The following GLCCI1 variants were observed in gnomAD, a reference collection of about 807,000 sequenced individuals.
The protein encoded by GLCCI1 is glucocorticoid induced 1.
In GLCCI1, 24 loss-of-function variants were observed where a neutral mutation model predicts 52.2. The ratio of observed to expected loss-of-function variants is 0.46; its 90% CI spans 0.33 to 0.65. GLCCI1 has a LOEUF of 0.65. Ranked by LOEUF, GLCCI1 falls within the 30% of genes least tolerant of loss-of-function variation. GLCCI1 has a pLI of 0.02. For synonymous variants in GLCCI1, 310 were observed against 276.5 expected, an observed-to-expected ratio of 1.12 and a Z score of -1.20; for missense variants, 704 against 701.5, an observed-to-expected ratio of 1.00 and a Z score of -0.04.
At chr7:8,059,590 A>T (rs557787266) in intron 4 of GLCCI1, among the ~76,000 whole-genome samples, 10 of 152,340 alleles carry the variant, frequency 6.6e-5, no homozygotes, top group African/African-American at 2.4e-4. Context: ...TGAACTTAGC[A>T]TAATACTGTT....
chr7:8,075,080 TC>T (rs1782848470), intron 6 of GLCCI1, among the ~76,000 whole-genome samples: 2 of 152,216 alleles, frequency 1.3e-5, no homozygotes, highest in Admixed American at 6.5e-5. Flanking sequence ...TTTTGTGTGT[TC>T]CTAACATCTA....
chr7:8,077,313 T>A (rs1195548946), intron 6 of GLCCI1, among the ~76,000 whole-genome samples: 1 of 152,196 alleles, frequency 6.6e-6, no homozygotes, highest in East Asian at 1.9e-4. Flanking sequence ...CTTGTGACAC[T>A]GACAGAAGGC....
chr7:8,002,355 A>T (rs1049956499), intron 1 of GLCCI1, among the ~76,000 whole-genome samples: 7 of 152,178 alleles, frequency 4.6e-5, no homozygotes, highest in Non-Finnish European at 7.4e-5. Flanking sequence ...TGAAACGTTT[A>T]TAAAAAATGA....
intron 1 of GLCCI1, among the ~76,000 whole-genome samples, chr7:7,990,833 A>C (rs1780825861): frequency 6.6e-6 from 1 of 152,094 alleles, no homozygotes; most frequent in South Asian, 2.1e-4. Context: ...CGTATTTCTG[A>C]AGCCTTCATT....
chr7:8,027,095 C>T (rs1267498715), intron 3 of GLCCI1, among the ~76,000 whole-genome samples: 4 of 152,178 alleles, frequency 2.6e-5, no homozygotes, highest in African/African-American at 4.8e-5. Flanking sequence ...GGAACATCTA[C>T]GATAATTAGC....
chr7:7,977,580 C>CATTT (rs1232285934), intron 1 of GLCCI1, among the ~76,000 whole-genome samples: 1 of 152,070 alleles, frequency 6.6e-6, no homozygotes, highest in Non-Finnish European at 1.5e-5. Context: ...TCAGTTTTGA[C>CATTT]ATTTGTCTTA....
intron 2 of GLCCI1, among the ~76,000 whole-genome samples, chr7:8,018,813 A>G (rs1781426647): frequency 6.6e-6 from 1 of 152,124 alleles, no homozygotes; most frequent in South Asian, 2.1e-4. Context: ...AGTTTTTCCT[A>G]AATTTATTTA....
chr7:7,970,028 C>T, intron 1 of GLCCI1: 1 of 378,284 alleles, frequency 2.6e-6, no homozygotes, highest in Non-Finnish European at 4.0e-6. Context: ...GTCTCTCTTC[C>T]ATCACTCGCC....
At chr7:8,011,699 T>G (rs898634958) in intron 2 of GLCCI1, among the ~76,000 whole-genome samples, 4 of 152,228 alleles carry the variant, frequency 2.6e-5, no homozygotes, top group Non-Finnish European at 2.9e-5. Flanking sequence ...ATTCTGTGTT[T>G]AAATTTTTGA....
chr7:8,061,886 C>T (rs141784869), intron 5 of GLCCI1, among the ~76,000 whole-genome samples: 280 of 151,732 alleles, frequency 1.8e-3, no homozygotes, highest in African/African-American at 6.6e-3. Flanking sequence ...AGGCTGGTCT[C>T]GAACTCCTCA....
intron 3 of GLCCI1, among the ~76,000 whole-genome samples, chr7:8,049,405 TATCTC>T (rs1428132728): frequency 6.6e-6 from 1 of 152,212 alleles, no homozygotes; most frequent in African/African-American, 2.4e-5. Context: ...TATTTTATAT[TATCTC>T]TTTGAAATCA....
intron 1 of GLCCI1, among the ~76,000 whole-genome samples, chr7:7,987,084 A>G (rs1043095104): frequency 3.5e-4 from 54 of 152,294 alleles, no homozygotes; most frequent in African/African-American, 1.3e-3. Flanking sequence ...TAAAAACAAA[A>G]CAAAAAAACC....
intron 2 of GLCCI1, among the ~76,000 whole-genome samples, chr7:8,021,559 C>G (rs1300414930): frequency 2.0e-5 from 3 of 152,118 alleles, no homozygotes; most frequent in African/African-American, 4.8e-5. Context: ...ATTACAGGTG[C>G]TCGCCACCAG....
chr7:8,010,956 A>G (rs1022872757), intron 2 of GLCCI1, among the ~76,000 whole-genome samples: 1 of 151,724 alleles, frequency 6.6e-6, no homozygotes, highest in Admixed American at 6.6e-5. Flanking sequence ...TTGTGGTAAA[A>G]TATATATAAC....
rs1783099847 is a variant in GLCCI1 at position 8,086,102 on chromosome 7, T to G, written c.1299-91T>G. 2 of 1,066,578 alleles carry G rather than the reference T, an allele frequency of 1.9e-6. No homozygotes were observed. The highest frequency in any genetic ancestry group is 3.2e-5 in the African/African-American group (2 of 63,004). The allele number at this position is 1,066,578 out of a possible 1,614,324, so 66.1% of individuals were successfully genotyped here. A position where few individuals can be genotyped will look rare whatever the true frequency, so the allele number is the denominator to read the frequency against. On this transcript the variant is annotated intron_variant, in intron 7 of 7. Coordinates refer to ENST00000223145, the MANE Select transcript of GLCCI1 (RefSeq NM_138426.4). This position sits in a 1 kb window ranked among gnomAD's most constrained non-coding sequence, Gnocchi z 4.4. ...AACCCATCTCCTGCCATTTACATTTTAGCTGTTTTAGAGAACTCCAGTTAA... is the reference window on the plus strand; with the variant it reads ...AACCCATCTCCTGCCATTTACATTTGAGCTGTTTTAGAGAACTCCAGTTAA...
At chr7:7,998,323 C>T (rs1350989734) in intron 1 of GLCCI1, among the ~76,000 whole-genome samples, 9 of 152,074 alleles carry the variant, frequency 5.9e-5, no homozygotes, top group Non-Finnish European at 8.8e-5. Flanking sequence ...TCAAGCAATT[C>T]ACCTGCCTCA....
intron 3 of GLCCI1, among the ~76,000 whole-genome samples, chr7:8,042,208 G>A (rs1329758743): frequency 6.6e-6 from 1 of 152,132 alleles, no homozygotes; most frequent in African/African-American, 2.4e-5. Flanking sequence ...TCTGCAGTCC[G>A]TGAATCAAGG....
intron 4 of GLCCI1, among the ~76,000 whole-genome samples, chr7:8,059,253 A>T (rs886128385): frequency 4.6e-5 from 7 of 152,198 alleles, no homozygotes; most frequent in Admixed American, 3.9e-4. Context: ...TCAATAAGAG[A>T]CAAAAGACAC....
chr7:7,978,624 T>C (rs1486358427), intron 1 of GLCCI1, among the ~76,000 whole-genome samples: 2 of 152,182 alleles, frequency 1.3e-5, no homozygotes, highest in East Asian at 3.8e-4. Context: ...AAATTGTGTT[T>C]ATTGTTAGGA....
Sources: gnomAD v4.1 joint callset for allele counts (sites outside exome capture counted in the v4.1 genomes callset) on GRCh38, gnomAD v4.1.1 for gene constraint, Gnocchi (gnomAD v3.1) non-coding constraint, MANE v1.5 for transcripts, NCBI Gene and HGNC (gene_info 2026-07-23, HGNC 2026-07-21) for gene names.